The following SUPT5H variants were observed in gnomAD, a reference collection of about 807,000 sequenced individuals.
SUPT5H encodes transcription elongation factor SPT5.
In SUPT5H, 24 loss-of-function variants were observed where a neutral mutation model predicts 142.5. The ratio of observed to expected loss-of-function variants is 0.17; its 90% CI spans 0.12 to 0.24. SUPT5H has a LOEUF of 0.24. Ranked by LOEUF, SUPT5H falls within the 10% of genes least tolerant of loss-of-function variation. SUPT5H has a pLI of 1.00. For missense variants in SUPT5H, 893 were observed against 1,471.8 expected, an observed-to-expected ratio of 0.61 and a Z score of 6.43; for synonymous variants, 546 against 553.0, an observed-to-expected ratio of 0.99 and a Z score of 0.18.
chr19:39,446,930 C>G (rs755045147), intron 2 of SUPT5H, among the ~76,000 whole-genome samples: 23 of 152,190 alleles, frequency 1.5e-4, no homozygotes, highest in Non-Finnish European at 1.5e-5. Context: ...ATCGCTTGAA[C>G]CAGGGAGGTG....
chr19:39,469,555 A>G lies in SUPT5H; in HGVS notation c.1374+157A>G, dbSNP rs1346735854. ...TCAGGTGCCTGAGAGGCTCTGTCTGAGTGCAGCTCAGGGTCGGTGGGCAGC... is the reference window on the plus strand; with the variant it reads ...TCAGGTGCCTGAGAGGCTCTGTCTGGGTGCAGCTCAGGGTCGGTGGGCAGC... On this transcript the variant is annotated intron_variant, in intron 16 of 29. Coordinates refer to ENST00000432763, the MANE Select transcript of SUPT5H (RefSeq NM_001111020.3). This position sits in a 1 kb window ranked among gnomAD's most constrained non-coding sequence, Gnocchi z 5.1. The G allele has an allele frequency of 9.4e-7, 1 of 1,069,466 alleles. No individual in the cohort carries two copies. Among genetic ancestry groups the G allele is most frequent in the African/African-American group, 1.6e-5 (1 of 63,814 alleles). 66.2% of individuals were successfully genotyped at this position (1,069,466 alleles called of 1,614,324 possible).
rs1425610360 is a variant in SUPT5H, at chr19:39,459,669, C to T, written c.555+80C>T. 52 of 1,574,004 alleles carry T rather than the reference C, an allele frequency of 3.3e-5. No homozygotes were observed. The East Asian group carries it at 9.2e-4, about 28-fold the overall frequency. The stretch of plus-strand genomic sequence containing the variant: ...TTGTGGGGGAGAAGTGTCTGTCTGT[C>T]CCGGGTCTCCGTGGCCTGCCAGTCA... On this transcript the variant is annotated intron_variant, in intron 9 of 29. Transcript: ENST00000432763.
intron 20 of SUPT5H, 158 bp downstream of exon 20, chr19:39,471,888 T>TC (rs1181617540): frequency 2.8e-6 from 3 of 1,072,174 alleles, no homozygotes; most frequent in Non-Finnish European, 3.9e-6. Context: ...TATTTGGGAT[T>TC]CTGAGCTGTT....
chr19:39,474,163 C>T lies in SUPT5H; in HGVS notation c.2651+42C>T, dbSNP rs770616045. ...CTGCCCTCGTCTACCCCTGCCCAAA[C>T]CCTCCTACTGCCACCACCTCTTTTC... is the stretch of plus-strand genomic sequence containing the variant. On this transcript the variant is annotated intron_variant, in intron 26 of 29. Coordinates refer to ENST00000432763, the MANE Select transcript of SUPT5H (RefSeq NM_001111020.3). The surrounding 1 kb of genome is among the most constrained non-coding windows in gnomAD (Gnocchi z 6.5). 3.1e-6 allele frequency: 5 copies of T among 1,609,552 alleles called. No individual in the cohort carries two copies. The highest frequency in any genetic ancestry group is 2.2e-5 in the South Asian group (2 of 90,312).
rs2079353881 is a variant in SUPT5H, at chr19:39,473,450, C to G, written c.2421C>G (p.Pro807=). ...CCCCACACTACGGCTCACAGACGCCCCTGCATGATGGCAGCCGCACTCCTG... is the reference window on the plus strand; with the variant it reads ...CCCCACACTACGGCTCACAGACGCCGCTGCATGATGGCAGCCGCACTCCTG... ...SRTPHYGSQT[P]LHDGSRTPAQ... The change falls in exon 25 of 30, where the codon CCC becomes CCG. Residue 807 remains proline (P), a synonymous_variant. Coordinates refer to ENST00000432763, the MANE Select transcript of SUPT5H (RefSeq NM_001111020.3). This position sits in a 1 kb window ranked among gnomAD's most constrained non-coding sequence, Gnocchi z 5.8. 1 of 1,613,424 alleles carries G rather than the reference C, an allele frequency of 6.2e-7. No homozygotes were observed. Among genetic ancestry groups the G allele is most frequent in the South Asian group, 1.1e-5 (1 of 91,080 alleles).
At position 39,473,953 on chromosome 19, in the gene SUPT5H, C is replaced by T. The variant is rs1420961961; in HGVS notation, c.2493-10C>T. 6 of 1,613,810 alleles carry T rather than the reference C, an allele frequency of 3.7e-6. No homozygotes were observed. Among genetic ancestry groups the T allele is most frequent in the East Asian group, 4.5e-5 (2 of 44,882 alleles). On this transcript the variant is annotated splice_polypyrimidine_tract_variant and intron_variant, in intron 25 of 29. Coordinates refer to ENST00000432763, the MANE Select transcript of SUPT5H (RefSeq NM_001111020.3). This position sits in a 1 kb window ranked among gnomAD's most constrained non-coding sequence, Gnocchi z 5.8. ...CCACAGTCGCTGTCAACAGACTTTT[C>T]TCCCAACAGGGCTGAGGAAGAATAT...
At chr19:39,471,216 C>T (rs993722595) in intron 18 of SUPT5H, 141 bp from the exon 19 acceptor site, 2 of 1,006,420 alleles carry the variant, frequency 2.0e-6, no homozygotes, top group Admixed American at 2.5e-5. Context: ...GCCTGCCTGC[C>T]CCGCAGCCAG....
chr19:39,452,451 A>G (rs2079032967), intron 2 of SUPT5H, among the ~76,000 whole-genome samples: 1 of 152,166 alleles, frequency 6.6e-6, no homozygotes, highest in Non-Finnish European at 1.5e-5. Flanking sequence ...AGGAGCTTGA[A>G]GAGGAGCTGG....
In SUPT5H at chr19:39,470,259, C is replaced by T. The variant is rs763617440; in HGVS notation, c.1515C>T (p.Asp505=). Residue 505 remains aspartate, a synonymous_variant, in exon 17 of 30, where the codon GAC becomes GAT. Transcript: ENST00000432763. The surrounding 1 kb of genome is among the most constrained non-coding windows in gnomAD (Gnocchi z 5.8). ...AGAATTTCGTTATCCTGTTCTCTGA[C>T]CTCACCATGCATGAGGTAGGTGGAT... is the stretch of plus-strand genomic sequence containing the variant. The part of the protein sequence containing the change: ...VEENFVILFS[D]LTMHELKVLP... The T allele has an allele frequency of 3.8e-6, 6 of 1,577,110 alleles. No individual in the cohort carries two copies. Among genetic ancestry groups the T allele is most frequent in the East Asian group, 4.5e-5 (2 of 44,140 alleles).
rs1293300740 is a variant in SUPT5H, at chr19:39,465,057, G to A, written c.876+8G>A. ...AAGGATGACATTGCTCAGGTGCCCG[G>A]GGCGGGGTGGCATGGGGGTCAGGGT... On this transcript the variant is annotated splice_region_variant and intron_variant, in intron 11 of 29. Coordinates refer to ENST00000432763, the MANE Select transcript of SUPT5H (RefSeq NM_001111020.3). The A allele has an allele frequency of 6.2e-7, 1 of 1,608,092 alleles. No individual in the cohort carries two copies. The highest frequency in any genetic ancestry group is 1.3e-5 in the African/African-American group (1 of 74,872).
chr19:39,470,017 T>G lies in SUPT5H; in HGVS notation c.1375-102T>G. On this transcript the variant is annotated intron_variant, in intron 16 of 29. Transcript: ENST00000432763. The surrounding 1 kb of genome is among the most constrained non-coding windows in gnomAD (Gnocchi z 5.8). ...TGGGGTGGGTGGTAAGAGCCTGAAG[T>G]GGGGTTTTTGAGAACATGCGTAGAT... 1 of 1,460,564 alleles carries G rather than the reference T, an allele frequency of 6.8e-7. No homozygotes were observed. Among genetic ancestry groups the G allele is most frequent in the Non-Finnish European group, 9.3e-7 (1 of 1,073,134 alleles). 90.5% of individuals were successfully genotyped at this position (1,460,564 alleles called of 1,614,324 possible).
At chr19:39,449,922 G>A (rs76173966) in intron 2 of SUPT5H, among the ~76,000 whole-genome samples, 26,313 of 149,202 alleles carry the variant, frequency 0.18, 2,473 homozygotes, top group East Asian at 0.36. Flanking sequence ...TTACAGGCAT[G>A]AGCCACCACG....
In SUPT5H at chr19:39,473,218, G is replaced by C. The variant is rs761901423; in HGVS notation, c.2274G>C (p.Pro758=). The change falls in exon 24 of 30, where the codon CCG becomes CCC. Residue 758 remains proline (P), a synonymous_variant. Transcript: ENST00000432763. This position sits in a 1 kb window ranked among gnomAD's most constrained non-coding sequence, Gnocchi z 5.8. The part of the protein sequence containing the change: ...QRLTTVGSRR[P]GGMTSTYGRT... ...GCGTCCCCAGGGGCTCACGGCGCCCGGGCGGCATGACCTCGACCTATGGGA... is the reference window on the plus strand; with the variant it reads ...GCGTCCCCAGGGGCTCACGGCGCCCCGGCGGCATGACCTCGACCTATGGGA... 6.2e-7 allele frequency: 1 copy of C among 1,612,788 alleles called. No individual in the cohort carries two copies. Among genetic ancestry groups the C allele is most frequent in the Non-Finnish European group, 8.5e-7 (1 of 1,179,942 alleles).
intron 4 of SUPT5H, 143 bp downstream of exon 4, chr19:39,457,883 G>A (rs2079110532): frequency 1.4e-6 from 2 of 1,407,586 alleles, no homozygotes; most frequent in Non-Finnish European, 1.9e-6. Context: ...CCTTCCCAGA[G>A]AGACCAGCTC....
Position 39,466,789 on chromosome 19 carries a change from G to T in SUPT5H, c.1037+44G>T, listed in dbSNP as rs1347482850. Reference sequence around the variant, plus strand: ...TGGCTGGGCTGGGTCCCCAGGGCCGGTGTGTAGAATGTGCCTTTTGCAGGT... The same window carrying T: ...TGGCTGGGCTGGGTCCCCAGGGCCGTTGTGTAGAATGTGCCTTTTGCAGGT... On this transcript the variant is annotated intron_variant, in intron 13 of 29. Coordinates refer to ENST00000432763, the MANE Select transcript of SUPT5H (RefSeq NM_001111020.3). The surrounding 1 kb of genome is among the most constrained non-coding windows in gnomAD (Gnocchi z 4.3). 55 of 1,599,852 alleles carry T rather than the reference G, an allele frequency of 3.4e-5. No homozygotes were observed. Among genetic ancestry groups the T allele is most frequent in the Non-Finnish European group, 4.5e-5 (53 of 1,167,168 alleles).
chr19:39,454,000 A>G (rs1269171238), intron 3 of SUPT5H, among the ~76,000 whole-genome samples: 2 of 152,224 alleles, frequency 1.3e-5, no homozygotes, highest in African/African-American at 4.8e-5. Context: ...TTATCAGAAT[A>G]TTTAAAAAGA....
At chr19:39,446,774 A>G (rs1480149454) in intron 2 of SUPT5H, among the ~76,000 whole-genome samples, 2 of 152,216 alleles carry the variant, frequency 1.3e-5, no homozygotes, top group East Asian at 1.9e-4. Flanking sequence ...GTGGGAGGCC[A>G]AGACAGTGGA....
At chr19:39,460,176 T>A (rs1051688405) in intron 10 of SUPT5H, 2 of 566,552 alleles carry the variant, frequency 3.5e-6, no homozygotes, top group Non-Finnish European at 6.3e-6. Flanking sequence ...TGGCAGGGTC[T>A]TCCCACCCTT....
At position 39,468,846 on chromosome 19, in the gene SUPT5H, C is replaced by T. The variant is rs200823105; in HGVS notation, c.1128C>T (p.Phe376=). Residue 376 remains phenylalanine, a synonymous_variant, in exon 14 of 30, where the codon TTC becomes TTT. Coordinates refer to ENST00000432763, the MANE Select transcript of SUPT5H (RefSeq NM_001111020.3). ...YSRKGFLFKS[F]AMSAVITEGV... ...GGAAGGGCTTTCTGTTCAAGAGCTT[C>T]GCCATGTCTGCTGTGGTGAGGGTCC... 1.7e-4 allele frequency: 269 copies of T among 1,614,104 alleles called. No individual in the cohort carries two copies. Among genetic ancestry groups the T allele is most frequent in the South Asian group, 8.8e-4 (80 of 91,082 alleles).
Sources: gnomAD v4.1 joint callset for allele counts (sites outside exome capture counted in the v4.1 genomes callset) on GRCh38, gnomAD v4.1.1 for gene constraint, Gnocchi (gnomAD v3.1) non-coding constraint, MANE v1.5 for transcripts, NCBI Gene and HGNC (gene_info 2026-07-23, HGNC 2026-07-21) for gene names.